Variants in ESR1 observed in about 807,000 individuals in gnomAD.
ESR1 encodes the protein estrogen receptor 1.
In ESR1, 12 loss-of-function variants were observed where a neutral mutation model predicts 52.7. The observed-to-expected ratio is 0.23, with a 90% CI of 0.15 to 0.37. The LOEUF (loss-of-function observed/expected upper bound fraction) is 0.37. ESR1 is among the 10% of genes least tolerant of loss of function. The pLI is 1.00. For synonymous variants in ESR1, 305 were observed against 316.8 expected, an observed-to-expected ratio of 0.96 and a Z score of 0.39; for missense variants, 584 against 779.7, an observed-to-expected ratio of 0.75 and a Z score of 2.99.
At chr6:151,757,498 AAATATATT>A (rs1784378043) in intron 2 of ESR1, among the ~76,000 whole-genome samples, 1 of 152,198 alleles carries the variant, frequency 6.6e-6, no homozygotes, top group African/African-American at 2.4e-5. Flanking sequence ...AGTCTGGAAG[AAATATATT>A]CTGGTCAGAG....
At chr6:151,839,821 A>G (rs1411556173) in intron 1 of ESR1, among the ~76,000 whole-genome samples, 1 of 152,140 alleles carries the variant, frequency 6.6e-6, no homozygotes, top group East Asian at 1.9e-4. Context: ...ATGGGGAATT[A>G]TTGTTGAATG....
chr6:151,947,289 G>C (rs957845342), intron 4 of ESR1, among the ~76,000 whole-genome samples: 3 of 151,976 alleles, frequency 2.0e-5, no homozygotes, highest in African/African-American at 7.3e-5. Context: ...ACTGCACTCC[G>C]GCCTGGGCAA....
intron 2 of ESR1, among the ~76,000 whole-genome samples, chr6:151,858,136 G>A (rs1461095717): frequency 2.6e-5 from 4 of 152,166 alleles, no homozygotes; most frequent in Admixed American, 2.6e-4. Flanking sequence ...TTGCACTCAA[G>A]TTCAGCTTTC....
At chr6:151,769,767 A>G (rs1357901951) in intron 2 of ESR1, among the ~76,000 whole-genome samples, 1 of 152,220 alleles carries the variant, frequency 6.6e-6, no homozygotes, top group African/African-American at 2.4e-5. Flanking sequence ...ATTCCCATCA[A>G]TCGATAAGCT....
chr6:151,715,777 A>G (rs1378379786), intron 2 of ESR1, among the ~76,000 whole-genome samples: 1 of 152,176 alleles, frequency 6.6e-6, no homozygotes, highest in African/African-American at 2.4e-5. Context: ...TTGGGTTAGA[A>G]CATGCTTCTT....
intron 3 of ESR1, among the ~76,000 whole-genome samples, chr6:151,900,835 T>C (rs796860644): frequency 5.3e-5 from 8 of 152,358 alleles, no homozygotes; most frequent in African/African-American, 1.9e-4. Flanking sequence ...GCACCTGCTC[T>C]GATAGAGGTG....
At position 152,094,892 on chromosome 6, in the gene ESR1, G is replaced by A. The variant is rs1345190019; in HGVS notation, c.1553+324G>A. On this transcript the variant is annotated intron_variant, in intron 7 of 7. Coordinates refer to ENST00000206249, the MANE Select transcript of ESR1 (RefSeq NM_000125.4). The surrounding 1 kb of genome is among the most constrained non-coding windows in gnomAD (Gnocchi z 4.6). The stretch of plus-strand genomic sequence containing the variant: ...GGCCAATCAAGAGAAGTCAGTGAAT[G>A]TACACATCCCCTGAAGACACTGGGT... Among the ~76,000 whole-genome samples the A allele has an allele frequency of 6.6e-6, 1 of 152,128 alleles. No homozygotes were observed. The highest frequency in any genetic ancestry group is 2.4e-5 in the African/African-American group (1 of 41,420).
chr6:152,000,295 T>C (rs2041846554), intron 4 of ESR1, among the ~76,000 whole-genome samples: 1 of 152,010 alleles, frequency 6.6e-6, no homozygotes, highest in South Asian at 2.1e-4. Flanking sequence ...AATTGAATAA[T>C]TGACCCCAAA....
chr6:151,965,998 C>T (rs1310886472), intron 4 of ESR1, among the ~76,000 whole-genome samples: 1 of 51,268 alleles, frequency 2.0e-5, no homozygotes, highest in Non-Finnish European at 4.7e-5. Context: ...CTGGATCCAA[C>T]TCAGCAGTTG....
chr6:152,053,957 A>G lies in ESR1; in HGVS notation c.1236-7034A>G, dbSNP rs574268726. Among the ~76,000 whole-genome samples, 22 of 152,304 alleles carry G rather than the reference A, an allele frequency of 1.4e-4. No homozygotes were observed. Among genetic ancestry groups the G allele is most frequent in the African/African-American group, 4.8e-4 (20 of 41,560 alleles). Reference sequence around the variant, plus strand: ...GTTGTAGCTGAAAATTACAAATAATATAAATGCCTATAATCAGAGCAGTTA... The same window carrying G: ...GTTGTAGCTGAAAATTACAAATAATGTAAATGCCTATAATCAGAGCAGTTA... On this transcript the variant is annotated intron_variant, in intron 5 of 7. Coordinates refer to ENST00000206249, the MANE Select transcript of ESR1 (RefSeq NM_000125.4). This position sits in a 1 kb window ranked among gnomAD's most constrained non-coding sequence, Gnocchi z 4.1.
At chr6:152,077,086 C>T (rs9478280) in intron 6 of ESR1, among the ~76,000 whole-genome samples, 32,098 of 152,002 alleles carry the variant, frequency 0.21, 4,794 homozygotes, top group African/African-American at 0.41. Flanking sequence ...ATCACAGACC[C>T]GGAAGCCTAG....
upstream of ESR1, among the ~76,000 whole-genome samples, chr6:151,686,125 G>C (rs1392669377): frequency 2.2e-5 from 3 of 138,090 alleles, no homozygotes; most frequent in African/African-American, 2.9e-5. Context: ...GCTCAGGCTA[G>C]TCTTGAACTT....
At chr6:151,962,349 C>G (rs543529371) in intron 4 of ESR1, among the ~76,000 whole-genome samples, 30 of 152,230 alleles carry the variant, frequency 2.0e-4, no homozygotes, top group Admixed American at 3.3e-4. Flanking sequence ...CATCATAGTT[C>G]TGCCCCCTGT....
intron 6 of ESR1, among the ~76,000 whole-genome samples, chr6:152,080,864 CAG>C (rs1249950470): frequency 1.3e-5 from 2 of 151,408 alleles, no homozygotes; most frequent in South Asian, 2.1e-4. Flanking sequence ...TCTGATAAAA[CAG>C]AATTTAAACC....
chr6:152,099,101 C>G lies in ESR1; in HGVS notation c.*135C>G, dbSNP rs2050866442. ...CACCAATGGCTTTCTAGATGAGTGG[C>G]CATTCATTTGCTTGCTCAGTTCTTA... is the stretch of plus-strand genomic sequence containing the variant. On this transcript the variant is annotated 3_prime_UTR_variant, in exon 8 of 8. Transcript: ENST00000206249. 1.4e-6 allele frequency: 1 copy of G among 719,268 alleles called. No homozygotes were observed. The highest frequency in any genetic ancestry group is 1.7e-5 in the African/African-American group (1 of 57,740). 44.6% of individuals were successfully genotyped at this position (719,268 alleles called of 1,614,324 possible).
intron 2 of ESR1, among the ~76,000 whole-genome samples, chr6:151,705,298 G>T (rs1247093216): frequency 6.6e-6 from 1 of 152,080 alleles, no homozygotes; most frequent in East Asian, 1.9e-4. Context: ...ATCAGATTTG[G>T]TCCCAAACTG....
At position 151,807,957 on chromosome 6, in the gene ESR1, G is replaced by C. The variant is rs1420549682; in HGVS notation, c.45G>C (p.Leu15=). ...CCAAAGCATCTGGGATGGCCCTACT[G>C]CATCAGATCCAAGGGAACGAGCTGG... is the stretch of plus-strand genomic sequence containing the variant. ...LHTKASGMAL[L]HQIQGNELEP... is the part of the protein sequence containing the mutation. Residue 15 remains leucine, a synonymous_variant, in exon 1 of 8, where the codon CTG becomes CTC. Coordinates refer to ENST00000206249, the MANE Select transcript of ESR1 (RefSeq NM_000125.4). 6.2e-7 allele frequency: 1 copy of C among 1,613,972 alleles called. No individual in the cohort carries two copies. Among genetic ancestry groups the C allele is most frequent in the Non-Finnish European group, 8.5e-7 (1 of 1,179,984 alleles).
intron 1 of ESR1, among the ~76,000 whole-genome samples, chr6:151,684,449 G>A (rs781535723): frequency 5.5e-4 from 83 of 152,192 alleles, no homozygotes; most frequent in South Asian, 1.9e-3. Context: ...GTGAAGGTAT[G>A]TTGGACGGAT....
chr6:151,767,294 C>A (rs1785140365), intron 2 of ESR1, among the ~76,000 whole-genome samples: 1 of 152,162 alleles, frequency 6.6e-6, no homozygotes, highest in Admixed American at 6.5e-5. Context: ...CAGCATATAT[C>A]TCAGCTTAAG....
Sources: allele counts gnomAD v4.1 joint callset (sites outside exome capture counted in the v4.1 genomes callset), GRCh38; gene constraint gnomAD v4.1.1; non-coding constraint Gnocchi (gnomAD v3.1); transcripts MANE v1.5; gene names NCBI Gene and HGNC (gene_info 2026-07-23, HGNC 2026-07-21).